TTC21B: variants seen among roughly 807,000 people sequenced by gnomAD.
TTC21B encodes the protein tetratricopeptide repeat protein 21B.
In TTC21B, 127 loss-of-function variants were observed where a neutral mutation model predicts 175.1. The ratio of observed to expected loss-of-function variants is 0.73; its 90% CI spans 0.63 to 0.84. The LOEUF is 0.84. TTC21B is among the 40% of genes least tolerant of loss of function. The pLI is 0.00. For missense variants in TTC21B, 1,561 were observed against 1,558.3 expected, an observed-to-expected ratio of 1.00 and a Z score of -0.03; for synonymous variants, 524 against 524.5, an observed-to-expected ratio of 1.00 and a Z score of 0.01.
intron 27 of TTC21B, among the ~76,000 whole-genome samples, chr2:165,877,052 C>G (rs1297152715): frequency 6.6e-6 from 1 of 152,154 alleles, no homozygotes; most frequent in Admixed American, 6.5e-5. Context: ...TAACACATTC[C>G]TCTTAATGGA....
Position 165,874,493 on chromosome 2 carries a change from ATAAT to A in TTC21B, c.*258_*261del. ...TTTTAACAAAATATTCTTTATAGAAATAATTATAGTCTTTACCACAGAGTCACCA... is the reference window on the plus strand; with the variant it reads ...TTTTAACAAAATATTCTTTATAGAAATATAGTCTTTACCACAGAGTCACCA... On this transcript the variant is annotated 3_prime_UTR_variant, in exon 29 of 29. Coordinates refer to ENST00000243344, the MANE Select transcript of TTC21B (RefSeq NM_024753.5). 1 of 318,414 alleles carries A rather than the reference ATAAT, an allele frequency of 3.1e-6. No individual in the cohort carries two copies. Among genetic ancestry groups the A allele is most frequent in the Non-Finnish European group, 5.9e-6 (1 of 170,634 alleles). The allele number at this position is 318,414 out of a possible 1,614,324, so 19.7% of individuals were successfully genotyped here. A position where few individuals can be genotyped will look rare whatever the true frequency, so the allele number is the denominator to read the frequency against.
intron 5 of TTC21B, among the ~76,000 whole-genome samples, 156 bp from the exon 6 acceptor site, chr2:165,941,340 A>C (rs917059808): frequency 2.0e-5 from 3 of 152,244 alleles, no homozygotes; most frequent in African/African-American, 7.2e-5. Context: ...ATTTTAAAAC[A>C]TCACAGAATA....
rs1410449449 is a variant in TTC21B, at chr2:165,927,068, A to T, written c.1386+2067T>A. 6.7e-4 allele frequency among the ~76,000 whole-genome samples: 9 copies of T among 13,446 alleles called. 2 individuals carry two copies. Among genetic ancestry groups the T allele is most frequent in the African/African-American group, 2.7e-3 (9 of 3,352 alleles). 8.8% of individuals were successfully genotyped at this position (13,446 alleles called of 152,430 possible). Reference sequence around the variant, plus strand: ...TGTGTATATATATATATCCTAGTAGATATATATATATATATATCCTAGTAG... The same window carrying T: ...TGTGTATATATATATATCCTAGTAGTTATATATATATATATATCCTAGTAG... On this transcript the variant is annotated intron_variant, in intron 11 of 28. Coordinates refer to ENST00000243344, the MANE Select transcript of TTC21B (RefSeq NM_024753.5).
chr2:165,887,831 A>G lies in TTC21B; in HGVS notation c.3459+448T>C, dbSNP rs1574068411. ...GTTGCTAAAGAATATCATTATTTGT[A>G]TGACTAAATTATAAGCTATCAGTAT... is the stretch of plus-strand genomic sequence containing the variant. On this transcript the variant is annotated intron_variant, in intron 25 of 28. Transcript: ENST00000243344. Among the ~76,000 whole-genome samples the G allele has an allele frequency of 2.0e-5, 3 of 152,234 alleles. No individual in the cohort carries two copies. In the South Asian group the frequency reaches 6.2e-4, roughly 31 times the overall value.
intron 6 of TTC21B, chr2:165,934,010 T>G (rs1687013257): frequency 6.6e-6 from 1 of 152,192 alleles, no homozygotes; most frequent in African/African-American, 2.4e-5. Context: ...CAGCTGCATC[T>G]GAACTGAAGC....
chr2:165,882,616 C>T (rs1335361208), intron 26 of TTC21B, among the ~76,000 whole-genome samples: 2 of 152,174 alleles, frequency 1.3e-5, no homozygotes, highest in African/African-American at 4.8e-5. Flanking sequence ...ACATTTCCTG[C>T]CCCAGATATG....
chr2:165,883,968 C>T lies in TTC21B; in HGVS notation c.3510G>A (p.Leu1170=), dbSNP rs1441977366. Residue 1170 remains leucine, a synonymous_variant, in exon 26 of 29, where the codon TTG becomes TTA. Coordinates refer to ENST00000243344, the MANE Select transcript of TTC21B (RefSeq NM_024753.5). ...GGTTTCTGGCTCGTGGAGTCTGTTT[C>T]AAGATCATATAAGCCGTTGCCATTC... ...LLGMATAYMI[L]KQTPRARNQL... 13 of 1,614,092 alleles carry T rather than the reference C, an allele frequency of 8.1e-6. No homozygotes were observed. Among genetic ancestry groups the T allele is most frequent in the Non-Finnish European group, 1.0e-5 (12 of 1,179,996 alleles).
At chr2:165,919,234 G>A (rs1462118254) in intron 13 of TTC21B, 42 bp downstream of exon 13, 2 of 1,605,352 alleles carry the variant, frequency 1.2e-6, no homozygotes, top group Admixed American at 3.3e-5. Flanking sequence ...AAGCTTTCAA[G>A]GAGGGTGATA....
rs34701755 is a variant in TTC21B at position 165,884,068 on chromosome 2, C to T, written c.3460-50G>A. On this transcript the variant is annotated intron_variant, in intron 25 of 28. Transcript: ENST00000243344. ...CATAAGATGCATAAACATAAATGCC[C>T]CAAAAACATACAGAAAGCAGAAAAT... 210,514 of 1,437,450 alleles carry T rather than the reference C, an allele frequency of 0.15. 16,552 individuals carry two copies. Among genetic ancestry groups the T allele is most frequent in the Middle Eastern group, 0.18 (1,021 of 5,708 alleles). The allele number at this position is 1,437,450 out of a possible 1,614,324, so 89.0% of individuals were successfully genotyped here. A position where few individuals can be genotyped will look rare whatever the true frequency, so the allele number is the denominator to read the frequency against.
intron 26 of TTC21B, among the ~76,000 whole-genome samples, chr2:165,882,667 A>C (rs1157225561): frequency 1.3e-5 from 2 of 152,118 alleles, no homozygotes; most frequent in Non-Finnish European, 2.9e-5. Flanking sequence ...CAAGTTTCCT[A>C]AGCTTTAGTT....
intron 14 of TTC21B, among the ~76,000 whole-genome samples, chr2:165,916,438 A>T (rs1251534144): frequency 6.6e-6 from 1 of 152,200 alleles, no homozygotes; most frequent in Non-Finnish European, 1.5e-5. Context: ...TAATTCTCCC[A>T]GAATTACTTT....
intron 26 of TTC21B, among the ~76,000 whole-genome samples, chr2:165,882,205 T>G (rs1003410790): frequency 1.3e-5 from 2 of 152,140 alleles, no homozygotes; most frequent in East Asian, 1.9e-4. Context: ...AAAATGGGGA[T>G]AGCCTATCAG....
rs1326094727 is a variant in TTC21B, at chr2:165,949,689, G to A, written c.57C>T (p.Phe19=). Residue 19 remains phenylalanine (F), a synonymous_variant, in exon 2 of 29, where the codon TTC becomes TTT. Transcript: ENST00000243344. Reference sequence around the variant, plus strand: ...CACTGGCAACCAGTAATACATGATGGAAATATCTCTCTTGACAATAGTAAT... The same window carrying A: ...CACTGGCAACCAGTAATACATGATGAAAATATCTCTCTTGACAATAGTAAT... ...LINYYCQERY[F]HHVLLVASEG... The A allele has an allele frequency of 6.2e-7, 1 of 1,612,230 alleles. No individual in the cohort carries two copies. The highest frequency in any genetic ancestry group is 8.5e-7 in the Non-Finnish European group (1 of 1,178,860).
At chr2:165,897,087 C>T (rs532885257) in intron 22 of TTC21B, among the ~76,000 whole-genome samples, 1 of 152,238 alleles carries the variant, frequency 6.6e-6, no homozygotes, top group African/African-American at 2.4e-5. Flanking sequence ...CTCTGGTTTC[C>T]TGATGATACT....
At chr2:165,894,532 CTT>C (rs1280980920) in intron 22 of TTC21B, among the ~76,000 whole-genome samples, 1 of 152,070 alleles carries the variant, frequency 6.6e-6, no homozygotes, top group African/African-American at 2.4e-5. Context: ...ATTAAAAACT[CTT>C]AAGATTAAAA....
In TTC21B at chr2:165,919,428, T is replaced by A. The variant is rs368240426; in HGVS notation, c.1522A>T (p.Ile508Phe). Residue 508 changes from isoleucine to phenylalanine, a missense_variant, in exon 13 of 29, where the codon ATT (isoleucine) becomes TTT (phenylalanine). By Grantham distance (21) the Ile-to-Phe change is conservative. Transcript: ENST00000243344. Reference sequence around the variant, plus strand: ...TGAAGGTTATTGAAAGCTGCTTCAATATCACCTAATAAGAAAAACAATGCA... The same window carrying A: ...TGAAGGTTATTGAAAGCTGCTTCAAAATCACCTAATAAGAAAAACAATGCA... ...IAKVKYLSGDIEAAFNNLQHC... is the reference protein window; with the variant it reads ...IAKVKYLSGDFEAAFNNLQHC... 8 of 1,613,936 alleles carry A rather than the reference T, an allele frequency of 5.0e-6. No homozygotes were observed. Among genetic ancestry groups the A allele is most frequent in the African/African-American group, 4.0e-5 (3 of 75,032 alleles).
intron 12 of TTC21B, 36 bp downstream of exon 12, chr2:165,924,513 A>G (rs1447591637): frequency 6.3e-7 from 1 of 1,597,082 alleles, no homozygotes; most frequent in African/African-American, 1.3e-5. Context: ...TCAACATCAG[A>G]ATAAAAAGGT....
intron 25 of TTC21B, among the ~76,000 whole-genome samples, chr2:165,886,253 G>A (rs1273280545): frequency 6.6e-6 from 1 of 152,028 alleles, no homozygotes; most frequent in East Asian, 1.9e-4. Flanking sequence ...TTACAAAAGG[G>A]TCTCCCAACT....
intron 18 of TTC21B, among the ~76,000 whole-genome samples, chr2:165,909,174 T>C (rs777562018): frequency 2.0e-5 from 3 of 152,064 alleles, no homozygotes; most frequent in Non-Finnish European, 2.9e-5. Context: ...GTTCCATAAA[T>C]GGCATGAAAA....
Sources: allele counts gnomAD v4.1 joint callset (sites outside exome capture counted in the v4.1 genomes callset), GRCh38; gene constraint gnomAD v4.1.1; transcripts MANE v1.5; gene names NCBI Gene and HGNC (gene_info 2026-07-23, HGNC 2026-07-21).